The following KAZN variants were observed in gnomAD, a reference collection of about 807,000 sequenced individuals.
The protein encoded by KAZN is kazrin.
A neutral mutation model predicts 87.4 loss-of-function variants in KAZN; 40 were observed. The observed-to-expected ratio is 0.46, with a 90% CI of 0.36 to 0.60. KAZN has a LOEUF of 0.60. KAZN is among the 20% of genes least tolerant of loss of function. The pLI is 0.00. For missense variants in KAZN, 898 were observed against 1,073.9 expected (o/e 0.84, Z 2.29); for synonymous variants, 466 against 458.3 (o/e 1.02, Z -0.22).
At chr1:14,917,114 T>C (rs148868348) in intron 1 of KAZN, among the ~76,000 whole-genome samples, 168 of 152,176 alleles carry the variant, frequency 1.1e-3, no homozygotes, top group African/African-American at 3.7e-3. Context: ...TTTGGGGACC[T>C]GGGAAAACCA....
intron 2 of KAZN, among the ~76,000 whole-genome samples, chr1:14,970,382 A>G (rs1664900256): frequency 1.3e-5 from 2 of 152,126 alleles, no homozygotes; most frequent in Non-Finnish European, 1.5e-5. Context: ...CAACCCCGTG[A>G]CTCACAGTCC....
At chr1:15,025,410 C>T (rs527521047) in intron 2 of KAZN, among the ~76,000 whole-genome samples, 23 of 152,290 alleles carry the variant, frequency 1.5e-4, no homozygotes, top group Admixed American at 6.5e-4. Context: ...ATTGGCACAG[C>T]GCTGACCAGA....
intron 4 of KAZN, among the ~76,000 whole-genome samples, chr1:15,050,748 A>C (rs974968119): frequency 6.6e-6 from 1 of 152,168 alleles, no homozygotes; most frequent in African/African-American, 2.4e-5. Flanking sequence ...GCATGAGGGC[A>C]GGGTCTGCCC....
At chr1:14,705,708 CAT>C (rs754915436) in intron 1 of KAZN, among the ~76,000 whole-genome samples, 2 of 152,180 alleles carry the variant, frequency 1.3e-5, no homozygotes, top group Non-Finnish European at 2.9e-5. Flanking sequence ...TGTTCTCACT[CAT>C]GTGTGGAAGC....
At chr1:14,448,738 G>A (rs922083561) in intron 2 of KAZN, among the ~76,000 whole-genome samples, 2 of 152,178 alleles carry the variant, frequency 1.3e-5, no homozygotes, top group African/African-American at 2.4e-5. Context: ...GGAGTTGGGC[G>A]AGGGCAGGCA....
At chr1:14,680,018 C>T (rs976888859) in intron 1 of KAZN, among the ~76,000 whole-genome samples, 3 of 152,114 alleles carry the variant, frequency 2.0e-5, no homozygotes, top group African/African-American at 4.8e-5. Flanking sequence ...CCATGCAACT[C>T]GCCTGTGGAA....
chr1:13,950,346 C>T (rs1238114355), intron 1 of KAZN, among the ~76,000 whole-genome samples: 2 of 152,228 alleles, frequency 1.3e-5, no homozygotes, highest in Non-Finnish European at 2.9e-5. Context: ...TTCCAGCTGT[C>T]CTTTTGTACC....
intron 1 of KAZN, among the ~76,000 whole-genome samples, chr1:14,130,166 G>A (rs1368978837): frequency 2.6e-5 from 4 of 152,082 alleles, no homozygotes; most frequent in African/African-American, 7.2e-5. Context: ...AAATGTTAAG[G>A]GCTATCGCCT....
chr1:14,345,785 C>G (rs891457258), intron 2 of KAZN, among the ~76,000 whole-genome samples: 3 of 152,162 alleles, frequency 2.0e-5, no homozygotes, highest in Non-Finnish European at 4.4e-5. Context: ...ACTGCCAGTC[C>G]AGGGACCATC....
In KAZN at chr1:14,996,471, G is replaced by T. The variant is rs1353515855; in HGVS notation, c.418+35596G>T. ...GCACAGGGCCTGGCCTACAGTGGGTGCCCCAGGAATGTAGGGGGGATGGAC... is the reference window on the plus strand; with the variant it reads ...GCACAGGGCCTGGCCTACAGTGGGTTCCCCAGGAATGTAGGGGGGATGGAC... On this transcript the variant is annotated intron_variant, in intron 2 of 14. Coordinates refer to ENST00000376030, the MANE Select transcript of KAZN (RefSeq NM_201628.3). This position sits in a 1 kb window ranked among gnomAD's most constrained non-coding sequence, Gnocchi z 5.9. Among the ~76,000 whole-genome samples, 3 of 152,176 alleles carry T rather than the reference G, an allele frequency of 2.0e-5. No individual in the cohort carries two copies. The highest frequency in any genetic ancestry group is 4.4e-5 in the Non-Finnish European group (3 of 68,028).
At chr1:13,935,063 C>T (rs1640669081) in intron 1 of KAZN, among the ~76,000 whole-genome samples, 1 of 151,636 alleles carries the variant, frequency 6.6e-6, no homozygotes, top group African/African-American at 2.4e-5. Context: ...ATGGTGAAAC[C>T]CTGTCTCTAC....
chr1:14,259,390 G>A (rs571948043), intron 2 of KAZN, among the ~76,000 whole-genome samples: 12 of 152,202 alleles, frequency 7.9e-5, no homozygotes, highest in Non-Finnish European at 1.6e-4. Flanking sequence ...GAGCTGGGAC[G>A]GCGGCCATGG....
At chr1:14,088,913 G>T (rs1405811846) in intron 1 of KAZN, among the ~76,000 whole-genome samples, 3 of 145,434 alleles carry the variant, frequency 2.1e-5, no homozygotes, top group African/African-American at 5.1e-5. Context: ...AATATTCTCT[G>T]TTCTAAAATT....
At chr1:14,226,578 T>C (rs1647311492) in intron 2 of KAZN, among the ~76,000 whole-genome samples, 1 of 152,124 alleles carries the variant, frequency 6.6e-6, no homozygotes. Flanking sequence ...TATAAGTCAT[T>C]CTACCATAAA....
intron 5 of KAZN, among the ~76,000 whole-genome samples, chr1:15,058,006 C>T (rs1050051873): frequency 7.2e-5 from 11 of 152,228 alleles, no homozygotes; most frequent in African/African-American, 1.2e-4. Context: ...ACAACCATCT[C>T]CATGCATTTT....
intron 1 of KAZN, among the ~76,000 whole-genome samples, chr1:14,959,904 C>T (rs56269624): frequency 6.6e-6 from 1 of 152,112 alleles, no homozygotes; most frequent in Admixed American, 6.5e-5. Flanking sequence ...CCTGAGGCAC[C>T]CCACAGCCTG....
At chr1:14,154,970 C>CTTCCTTCCTTCCTTCCTTCT (rs1645559892) in intron 1 of KAZN, among the ~76,000 whole-genome samples, 1 of 150,918 alleles carries the variant, frequency 6.6e-6, no homozygotes, top group African/African-American at 2.5e-5. Flanking sequence ...TCCTTCCTTC[C>CTTCCTTCCTTCCTTCCTTCT]TTCCTTCCTT....
chr1:14,679,003 C>A (rs953958484), intron 1 of KAZN, among the ~76,000 whole-genome samples: 1 of 152,164 alleles, frequency 6.6e-6, no homozygotes, highest in African/African-American at 2.4e-5. Context: ...GAAAAAGCAG[C>A]AAATGTTTCT....
intron 1 of KAZN, among the ~76,000 whole-genome samples, chr1:14,939,972 T>A (rs1660866539): frequency 6.6e-6 from 1 of 152,142 alleles, no homozygotes; most frequent in Admixed American, 6.5e-5. Flanking sequence ...CCTAGCCTGA[T>A]CATCCCACCC....
Sources: gnomAD v4.1 joint callset for allele counts (sites outside exome capture counted in the v4.1 genomes callset) on GRCh38, gnomAD v4.1.1 for gene constraint, Gnocchi (gnomAD v3.1) non-coding constraint, MANE v1.5 for transcripts, NCBI Gene and HGNC (gene_info 2026-07-23, HGNC 2026-07-21) for gene names.